The following RBFOX1 variants were observed in gnomAD, a reference collection of about 807,000 sequenced individuals.
RBFOX1 encodes the protein RNA binding protein fox-1 homolog 1.
Under a neutral mutation model 57.7 loss-of-function variants are expected in RBFOX1, and 8 were observed. The observed-to-expected ratio is 0.14, with a 90% CI of 0.08 to 0.25. RBFOX1 has a LOEUF of 0.25. Among genes scored for constraint, RBFOX1 ranks in the 10% least tolerant of loss-of-function variants. RBFOX1 has a pLI of 1.00. For synonymous variants in RBFOX1, 326 were observed against 222.4 expected (o/e 1.47, Z -4.15); for missense variants, 611 against 548.5 (o/e 1.11, Z -1.14).
chr16:6,955,244 A>AG (rs1479011275), intron 3 of RBFOX1, among the ~76,000 whole-genome samples: 3 of 149,340 alleles, frequency 2.0e-5, no homozygotes, highest in African/African-American at 7.7e-5. Context: ...TTGTCTGGGA[A>AG]GAAAAAAAGA....
At chr16:5,869,772 C>G (rs2151900795) in intron 4 of RBFOX1, among the ~76,000 whole-genome samples, 1 of 152,212 alleles carries the variant, frequency 6.6e-6, no homozygotes, top group Non-Finnish European at 1.5e-5. Context: ...GCAGTAGTTC[C>G]TACATAGGTG....
intron 3 of RBFOX1, among the ~76,000 whole-genome samples, chr16:6,819,702 A>T (rs2090890995): frequency 1.0e-5 from 1 of 96,382 alleles, no homozygotes; most frequent in Non-Finnish European, 2.1e-5. Flanking sequence ...TGAAACTCTG[A>T]CTCAAAAAAA....
At chr16:7,041,705 T>G (rs1234270574) in intron 3 of RBFOX1, among the ~76,000 whole-genome samples, 1 of 152,178 alleles carries the variant, frequency 6.6e-6, no homozygotes, top group African/African-American at 2.4e-5. Flanking sequence ...TGTCATTAAT[T>G]TAGCCAAATT....
chr16:7,096,352 G>T (rs1188531788), intron 4 of RBFOX1, among the ~76,000 whole-genome samples: 4 of 152,084 alleles, frequency 2.6e-5, no homozygotes, highest in African/African-American at 7.2e-5. Flanking sequence ...CCATGTCATG[G>T]AAACTCTGAC....
At chr16:7,301,400 G>T (rs984221247) in intron 4 of RBFOX1, among the ~76,000 whole-genome samples, 1 of 152,152 alleles carries the variant, frequency 6.6e-6, no homozygotes, top group Non-Finnish European at 1.5e-5. Context: ...TTTAGGTCTG[G>T]TTCTCATGTT....
In RBFOX1 at chr16:7,431,896, G is replaced by C. The variant is rs1540351; in HGVS notation, c.28-86251G>C. On this transcript the variant is annotated intron_variant, in intron 4 of 15. Transcript: ENST00000550418. The stretch of plus-strand genomic sequence containing the variant: ...AGAAAGACCTTTCCCCCACCATCCA[G>C]TTCACAGGAGGCAGGGGCTTGTTTC... 5.3e-5 allele frequency among the ~76,000 whole-genome samples: 8 copies of C among 152,174 alleles called. No homozygotes were observed. The South Asian group carries it at 1.2e-3, about 24-fold the overall frequency.
intron 4 of RBFOX1, among the ~76,000 whole-genome samples, chr16:5,974,039 C>T (rs1262983871): frequency 6.6e-6 from 1 of 152,184 alleles, no homozygotes; most frequent in Non-Finnish European, 1.5e-5. Context: ...TAGAGATGAT[C>T]ATCGTATCTA....
chr16:5,455,833 A>G (rs1239139958), intron 1 of RBFOX1, among the ~76,000 whole-genome samples: 2 of 152,170 alleles, frequency 1.3e-5, no homozygotes, highest in Non-Finnish European at 2.9e-5. Flanking sequence ...CGAGAAATAA[A>G]TTCTTGAAAT....
intron 1 of RBFOX1, among the ~76,000 whole-genome samples, chr16:5,362,721 C>G (rs564488178): frequency 6.6e-6 from 1 of 152,086 alleles, no homozygotes; most frequent in Non-Finnish European, 1.5e-5. Context: ...CCTCAGCCCC[C>G]GACAACCACC....
chr16:7,203,151 A>G (rs746503111), intron 4 of RBFOX1, among the ~76,000 whole-genome samples: 24 of 152,338 alleles, frequency 1.6e-4, no homozygotes, highest in East Asian at 3.9e-4. Context: ...GTGTTTATCA[A>G]TGATGAACAG....
chr16:6,718,292 G>A (rs2065239457), intron 3 of RBFOX1, among the ~76,000 whole-genome samples: 1 of 152,162 alleles, frequency 6.6e-6, no homozygotes, highest in Non-Finnish European at 1.5e-5. Context: ...TTGGAGTGGT[G>A]AATGGAACAG....
chr16:5,265,182 A>C (rs2062828308), intron 1 of RBFOX1, among the ~76,000 whole-genome samples: 1 of 152,198 alleles, frequency 6.6e-6, no homozygotes, highest in South Asian at 2.1e-4. Flanking sequence ...GTCTGTAAAG[A>C]CCAGGTTATT....
intron 3 of RBFOX1, among the ~76,000 whole-genome samples, chr16:5,673,045 C>T (rs180760345): frequency 7.2e-4 from 110 of 152,174 alleles, no homozygotes; most frequent in Middle Eastern, 3.4e-3. Flanking sequence ...ATGGTGGAAG[C>T]GCCTCCACCC....
rs550772100 is a variant in RBFOX1, at chr16:6,927,029, A to C, written c.-15-125028A>C. 5.3e-5 allele frequency among the ~76,000 whole-genome samples: 8 copies of C among 152,112 alleles called. No homozygotes were observed. The East Asian group carries it at 1.6e-3, about 30-fold the overall frequency. ...TGCTACTCAACCAGCGATTACTATT[A>C]ACCCTTCGTTACCTAAATCCACCCA... On this transcript the variant is annotated intron_variant, in intron 3 of 15. Transcript: ENST00000550418.
chr16:5,781,467 C>T (rs544890720), intron 3 of RBFOX1, among the ~76,000 whole-genome samples: 1 of 152,318 alleles, frequency 6.6e-6, no homozygotes, highest in African/African-American at 2.4e-5. Flanking sequence ...AGCTCAGTCA[C>T]TGTGACAACC....
intron 4 of RBFOX1, among the ~76,000 whole-genome samples, chr16:7,431,058 C>G (rs145313083): frequency 6.2e-4 from 94 of 152,296 alleles, no homozygotes; most frequent in African/African-American, 2.1e-3. Context: ...TGGCTTTCTA[C>G]TAAGGCACAG....
intron 2 of RBFOX1, among the ~76,000 whole-genome samples, chr16:6,515,574 A>G (rs1411207434): frequency 6.6e-6 from 1 of 152,116 alleles, no homozygotes; most frequent in East Asian, 1.9e-4. Flanking sequence ...AAATAGAATA[A>G]TTTTTTTCTA....
At chr16:7,598,077 A>G (rs2094802314) in intron 9 of RBFOX1, among the ~76,000 whole-genome samples, 1 of 152,216 alleles carries the variant, frequency 6.6e-6, no homozygotes, top group Non-Finnish European at 1.5e-5. Flanking sequence ...CATATGAGTT[A>G]TTAAAAATGT....
chr16:7,128,500 G>T (rs1477691381), intron 4 of RBFOX1, among the ~76,000 whole-genome samples: 2 of 152,160 alleles, frequency 1.3e-5, no homozygotes, highest in Non-Finnish European at 2.9e-5. Flanking sequence ...GTGTGTCTCT[G>T]ATATCCCCAG....
Sources: gnomAD v4.1 joint callset for allele counts (sites outside exome capture counted in the v4.1 genomes callset) on GRCh38, gnomAD v4.1.1 for gene constraint, MANE v1.5 for transcripts, NCBI Gene and HGNC (gene_info 2026-07-23, HGNC 2026-07-21) for gene names.